PLPPR5: variants seen among roughly 807,000 people sequenced by gnomAD.
PLPPR5 encodes phospholipid phosphatase related 5.
A neutral mutation model predicts 33.9 loss-of-function variants in PLPPR5; 16 were observed. The ratio of observed to expected loss-of-function variants is 0.47; its 90% confidence interval spans 0.32 to 0.72. The LOEUF (loss-of-function observed/expected upper bound fraction) is 0.72, where lower values mean the gene tolerates loss of function less well. PLPPR5 is among the 30% of genes least tolerant of loss of function. The probability of loss-of-function intolerance (pLI) is 0.03; values close to 1 mark genes in which losing one functional copy is unlikely to be tolerated. For synonymous variants in PLPPR5, 163 were observed against 150.3 expected (o/e 1.08, Z -0.62); for missense variants, 301 against 406.7 (o/e 0.74, Z 2.23).
In PLPPR5 at chr1:98,950,274, TTAAA is replaced by T. The variant is rs201122111; in HGVS notation, c.621+2792_621+2795del. ...ATAAATTATCACAAATTATCAATTA[TTAAA>T]TAAATAATAATGATAAATAACTTTA... On this transcript the variant is annotated intron_variant, in intron 3 of 5. Transcript: ENST00000263177. Among the ~76,000 whole-genome samples, 1,034 of 152,276 alleles carry T rather than the reference TTAAA, an allele frequency of 6.8e-3. 13 individuals carry two copies. Among genetic ancestry groups the T allele is most frequent in the African/African-American group, 0.023 (975 of 41,560 alleles).
chr1:98,937,361 G>A (rs1044479953), intron 3 of PLPPR5, among the ~76,000 whole-genome samples: 3 of 152,200 alleles, frequency 2.0e-5, no homozygotes. Context: ...TCAAGAGGTA[G>A]AGTCCAATTC....
chr1:98,990,724 A>G (rs1652422686), intron 1 of PLPPR5: 1 of 152,156 alleles, frequency 6.6e-6, no homozygotes, highest in Non-Finnish European at 1.5e-5. Flanking sequence ...TGGAAAAATA[A>G]TTTGGACTTT....
intron 5 of PLPPR5, among the ~76,000 whole-genome samples, chr1:98,894,750 A>G (rs530674343): frequency 6.6e-6 from 1 of 152,242 alleles, no homozygotes; most frequent in South Asian, 2.1e-4. Context: ...CACAAGACTC[A>G]TTAAATTTGC....
At chr1:98,948,116 T>C (rs1650629375) in intron 3 of PLPPR5, among the ~76,000 whole-genome samples, 10 of 152,180 alleles carry the variant, frequency 6.6e-5, no homozygotes, top group Admixed American at 6.5e-4. Context: ...AATCACCTGC[T>C]ACAAGTAAAC....
At chr1:98,968,237 A>G (rs1316710713) in intron 1 of PLPPR5, among the ~76,000 whole-genome samples, 1 of 152,064 alleles carries the variant, frequency 6.6e-6, no homozygotes, top group Non-Finnish European at 1.5e-5. Flanking sequence ...ATTTTAATAT[A>G]TAAAGTCAAT....
chr1:98,991,923 G>A (rs764566520), intron 1 of PLPPR5, among the ~76,000 whole-genome samples: 6 of 152,160 alleles, frequency 3.9e-5, no homozygotes, highest in African/African-American at 9.7e-5. Flanking sequence ...GGAGGAACAC[G>A]TACTTGCCTG....
intron 1 of PLPPR5, among the ~76,000 whole-genome samples, chr1:98,961,062 G>T (rs1481581102): frequency 2.0e-5 from 3 of 152,156 alleles, no homozygotes; most frequent in Non-Finnish European, 4.4e-5. Flanking sequence ...AACCTAGTCT[G>T]AAGTGTTTCC....
At chr1:98,899,919 G>A (rs1648629304) in intron 5 of PLPPR5, among the ~76,000 whole-genome samples, 1 of 151,976 alleles carries the variant, frequency 6.6e-6, no homozygotes, top group South Asian at 2.1e-4. Context: ...GGTATTTGGT[G>A]GATATGGGTA....
intron 1 of PLPPR5, 95 bp from the exon 2 acceptor site, chr1:98,956,836 A>T: frequency 1.1e-6 from 1 of 932,508 alleles, no homozygotes; most frequent in Non-Finnish European, 1.5e-6. Flanking sequence ...AGCCCCTTTG[A>T]ATGGTAATAA....
intron 1 of PLPPR5, among the ~76,000 whole-genome samples, chr1:98,961,728 G>A (rs1474665704): frequency 6.6e-6 from 1 of 152,066 alleles, no homozygotes; most frequent in Non-Finnish European, 1.5e-5. Context: ...AGGTCATATT[G>A]ACTCTAAGGT....
chr1:98,899,655 C>CTTTTTTTTTTTTTTTTTTTTTTT (rs1214385487), intron 5 of PLPPR5, among the ~76,000 whole-genome samples: 1 of 138,568 alleles, frequency 7.2e-6, no homozygotes, highest in African/African-American at 2.7e-5. Flanking sequence ...GTTTATTTCA[C>CTTTTTTTTTTTTTTTTTTTTTTT]TTGTTTTTTT....
intron 5 of PLPPR5, among the ~76,000 whole-genome samples, chr1:98,911,381 C>T (rs1307430445): frequency 6.6e-6 from 1 of 152,052 alleles, no homozygotes; most frequent in Non-Finnish European, 1.5e-5. Flanking sequence ...AGAAACATGC[C>T]ACTTAACCTA....
At chr1:98,935,727 A>G (rs1301166514) in intron 3 of PLPPR5, among the ~76,000 whole-genome samples, 1 of 152,196 alleles carries the variant, frequency 6.6e-6, no homozygotes, top group Non-Finnish European at 1.5e-5. Context: ...CTTTATGTGC[A>G]GTGGTTCCTT....
intron 3 of PLPPR5, among the ~76,000 whole-genome samples, chr1:98,932,546 C>T (rs138261358): frequency 7.2e-5 from 11 of 152,296 alleles, no homozygotes; most frequent in Non-Finnish European, 1.5e-4. Flanking sequence ...AATGAATAAT[C>T]TATGTGACCT....
chr1:98,976,961 G>C (rs1319341400), intron 1 of PLPPR5, among the ~76,000 whole-genome samples: 1 of 151,918 alleles, frequency 6.6e-6, no homozygotes, highest in Non-Finnish European at 1.5e-5. Flanking sequence ...TTGCTCAATA[G>C]GTCCCAGGTT....
rs60624111 is a variant in PLPPR5, at chr1:98,928,548, CATATAT to C, written c.622-6496_622-6491del. Among the ~76,000 whole-genome samples the C allele has an allele frequency of 4.2e-4, 31 of 73,892 alleles. 3 individuals are homozygous for C. Among genetic ancestry groups the C allele is most frequent in the Middle Eastern group, 8.8e-3 (1 of 114 alleles). 48.5% of individuals were successfully genotyped at this position (73,892 alleles called of 152,430 possible). A position where few individuals can be genotyped will look rare whatever the true frequency, so the allele number is the denominator to read the frequency against. On this transcript the variant is annotated intron_variant, in intron 3 of 5. Transcript: ENST00000263177. Reference sequence around the variant, plus strand: ...AAAAAACTATTAGAAAGTTTTAAATCATATATATATATATATATATATATGGTTCAC... The same window carrying C: ...AAAAAACTATTAGAAAGTTTTAAATCATATATATATATATATATGGTTCAC...
intron 1 of PLPPR5, among the ~76,000 whole-genome samples, chr1:98,958,434 G>T (rs1651101733): frequency 6.6e-6 from 1 of 151,624 alleles, no homozygotes. Flanking sequence ...GTAAGCCAGG[G>T]TTCAATGTTA....
intron 1 of PLPPR5, among the ~76,000 whole-genome samples, chr1:98,986,115 C>T (rs1652252649): frequency 6.6e-6 from 1 of 151,930 alleles, no homozygotes; most frequent in Non-Finnish European, 1.5e-5. Context: ...CTTAAAGTCA[C>T]ATTATATTAA....
intron 3 of PLPPR5, among the ~76,000 whole-genome samples, chr1:98,929,834 T>A (rs72730329): frequency 0.17 from 26,375 of 152,188 alleles, 2,546 homozygotes; most frequent in Non-Finnish European, 0.22. Context: ...GACATTATCA[T>A]CTATGAAATC....
Sources: allele counts gnomAD v4.1 joint callset (sites outside exome capture counted in the v4.1 genomes callset), GRCh38; gene constraint gnomAD v4.1.1; transcripts MANE v1.5; gene names NCBI Gene and HGNC (gene_info 2026-07-23, HGNC 2026-07-21).